Variants in ZCCHC17 observed in about 807,000 individuals in gnomAD.
The protein encoded by ZCCHC17 is zinc finger CCHC domain-containing protein 17.
In ZCCHC17, 18 loss-of-function variants were observed where a neutral mutation model predicts 30.6. That is an observed-to-expected ratio of 0.59 (90% CI 0.41 to 0.87). The LOEUF is 0.87. Among genes scored for constraint, ZCCHC17 ranks in the 40% least tolerant of loss-of-function variants. The probability of loss-of-function intolerance (pLI) is 0.00; values close to 1 mark genes in which losing one functional copy is unlikely to be tolerated. For synonymous variants in ZCCHC17, 88 were observed against 92.4 expected, an observed-to-expected ratio of 0.95 and a Z score of 0.27; for missense variants, 263 against 284.2, an observed-to-expected ratio of 0.93 and a Z score of 0.54.
At chr1:31,347,561 A>G (rs1405732258) in intron 6 of ZCCHC17, among the ~76,000 whole-genome samples, 1 of 152,222 alleles carries the variant, frequency 6.6e-6, no homozygotes, top group East Asian at 1.9e-4. Context: ...AAACTCTGCT[A>G]TATTTCCCTG....
chr1:31,298,881 C>A (rs1214906404), intron 1 of ZCCHC17, among the ~76,000 whole-genome samples: 1 of 152,118 alleles, frequency 6.6e-6, no homozygotes, highest in Non-Finnish European at 1.5e-5. Context: ...CTAGTTCCAA[C>A]ATTTAATGGT....
chr1:31,307,309 GT>G (rs1187854105), intron 1 of ZCCHC17, among the ~76,000 whole-genome samples: 1 of 151,870 alleles, frequency 6.6e-6, no homozygotes, highest in Non-Finnish European at 1.5e-5. Flanking sequence ...TTAGGCCACT[GT>G]TCTACAAGAG....
At chr1:31,320,269 G>T (rs139601523) in intron 3 of ZCCHC17, among the ~76,000 whole-genome samples, 108 of 152,196 alleles carry the variant, frequency 7.1e-4, no homozygotes, top group African/African-American at 2.5e-3. Context: ...ATCTCAAAAG[G>T]TTATACACTT....
At chr1:31,349,467 A>G (rs149050771) in intron 7 of ZCCHC17, among the ~76,000 whole-genome samples, 392 of 152,276 alleles carry the variant, frequency 2.6e-3, no homozygotes, top group Non-Finnish European at 4.4e-3. Context: ...AGTAGCTGGA[A>G]CTACAGGCAT....
chr1:31,340,111 C>T (rs1476049887), intron 5 of ZCCHC17, among the ~76,000 whole-genome samples: 3 of 151,430 alleles, frequency 2.0e-5, no homozygotes, highest in Admixed American at 2.0e-4. Context: ...CATGCGCCAC[C>T]ACACCTAATT....
chr1:31,352,881 C>T (rs867825834), intron 7 of ZCCHC17, among the ~76,000 whole-genome samples: 18 of 152,326 alleles, frequency 1.2e-4, no homozygotes, highest in African/African-American at 4.1e-4. Context: ...CCCCACTCTT[C>T]TTTCTTTTTG....
At chr1:31,304,604 T>TA (rs1646404783) in intron 1 of ZCCHC17, among the ~76,000 whole-genome samples, 1 of 147,122 alleles carries the variant, frequency 6.8e-6, no homozygotes, top group African/African-American at 2.5e-5. Context: ...ATACTCTTAT[T>TA]TTTTTTTTTT....
chr1:31,318,352 A>G (rs1646784597), intron 2 of ZCCHC17: 5 of 762,206 alleles, frequency 6.6e-6, no homozygotes, highest in African/African-American at 1.8e-5. Flanking sequence ...TACAGGGGGA[A>G]GAGAGAGCTA....
At chr1:31,299,068 T>C (rs1395355760) in intron 1 of ZCCHC17, among the ~76,000 whole-genome samples, 3 of 152,316 alleles carry the variant, frequency 2.0e-5, no homozygotes, top group African/African-American at 7.2e-5. Context: ...GCAAGAGTTA[T>C]TTTGTTGGTG....
At chr1:31,363,730 T>TGTGATC (rs1437650280) in intron 7 of ZCCHC17, among the ~76,000 whole-genome samples, 5 of 152,310 alleles carry the variant, frequency 3.3e-5, no homozygotes, top group African/African-American at 1.2e-4. Context: ...TGCAGTGAGC[T>TGTGATC]GTGATCGTGC....
intron 3 of ZCCHC17, among the ~76,000 whole-genome samples, 155 bp downstream of exon 3, chr1:31,319,321 A>T (rs970435195): frequency 6.6e-6 from 1 of 152,116 alleles, no homozygotes; most frequent in African/African-American, 2.4e-5. Flanking sequence ...ATGACAGTTC[A>T]TTTTTAGCGG....
At chr1:31,319,212 G>T in intron 3 of ZCCHC17, 46 bp downstream of exon 3, 1 of 1,500,942 alleles carries the variant, frequency 6.7e-7, no homozygotes, top group Non-Finnish European at 9.2e-7. Flanking sequence ...TCTACTCTCT[G>T]CTAACACTCC....
chr1:31,309,775 C>CA (rs968315164), intron 1 of ZCCHC17, among the ~76,000 whole-genome samples: 42 of 151,090 alleles, frequency 2.8e-4, no homozygotes, highest in Middle Eastern at 3.4e-3. Flanking sequence ...TCTTCCCCGG[C>CA]AAAAAAAATA....
At chr1:31,341,985 G>A (rs2148459350) in intron 5 of ZCCHC17, among the ~76,000 whole-genome samples, 1 of 152,252 alleles carries the variant, frequency 6.6e-6, no homozygotes. Flanking sequence ...GTGTGTGTAA[G>A]ACCCACAAAA....
chr1:31,339,960 C>CTTTTTTTTTTTTTTTTTTTT lies in ZCCHC17; in HGVS notation c.317+917_317+936dup, dbSNP rs36008834. 1.8e-4 allele frequency among the ~76,000 whole-genome samples: 16 copies of CTTTTTTTTTTTTTTTTTTTT among 90,418 alleles called. 1 individual carries two copies. The highest frequency in any genetic ancestry group is 5.2e-4 in the African/African-American group (15 of 28,824). 59.3% of individuals were successfully genotyped at this position (90,418 alleles called of 152,430 possible). A position where few individuals can be genotyped will look rare whatever the true frequency, so the allele number is the denominator to read the frequency against. On this transcript the variant is annotated intron_variant, in intron 5 of 7. Coordinates refer to ENST00000344147, the MANE Select transcript of ZCCHC17 (RefSeq NM_016505.4). ...TCTGTCTCAAGTCTTTCTTGGATTTCTTTTTTTTTTTTTTTTTTTTTTTTG... is the reference window on the plus strand; with the variant it reads ...TCTGTCTCAAGTCTTTCTTGGATTTCTTTTTTTTTTTTTTTTTTTTTTTTTTTTTTTTTTTTTTTTTTTTG...
At chr1:31,343,417 C>T (rs1298900160) in intron 5 of ZCCHC17, among the ~76,000 whole-genome samples, 1 of 152,152 alleles carries the variant, frequency 6.6e-6, no homozygotes, top group Admixed American at 6.5e-5. Context: ...ATTAACCTCC[C>T]CAGGAATCCC....
chr1:31,343,752 T>A (rs1433491380), intron 5 of ZCCHC17, among the ~76,000 whole-genome samples: 1 of 148,584 alleles, frequency 6.7e-6, no homozygotes, highest in African/African-American at 2.5e-5. Context: ...TGATCATAGC[T>A]CACTACAACC....
chr1:31,362,380 C>T (rs1313144329), intron 7 of ZCCHC17, among the ~76,000 whole-genome samples: 1 of 152,228 alleles, frequency 6.6e-6, no homozygotes, highest in East Asian at 1.9e-4. Context: ...CTTTCTCCCT[C>T]TTCTTAGAAA....
chr1:31,352,741 C>T (rs544220648), intron 7 of ZCCHC17, among the ~76,000 whole-genome samples: 15 of 152,280 alleles, frequency 9.9e-5, no homozygotes, highest in East Asian at 5.8e-4. Context: ...GCCACCACAT[C>T]GAGCCCCATT....
Sources: gnomAD v4.1 joint callset for allele counts (sites outside exome capture counted in the v4.1 genomes callset) on GRCh38, gnomAD v4.1.1 for gene constraint, MANE v1.5 for transcripts, NCBI Gene and HGNC (gene_info 2026-07-23, HGNC 2026-07-21) for gene names.